The following MYO3A variants were observed in gnomAD, a reference collection of about 807,000 sequenced individuals.
The protein encoded by MYO3A is myosin IIIA.
MYO3A carries 180 observed loss-of-function variants against 192.7 expected under a neutral mutation model. That is an observed-to-expected ratio of 0.93 (90% confidence interval 0.83 to 1.06). The LOEUF is 1.06. MYO3A is among the 50% of genes least tolerant of loss of function. The pLI is 0.00. For missense variants in MYO3A, 1,896 were observed against 1,905.0 expected, an observed-to-expected ratio of 1.00 and a Z score of 0.09; for synonymous variants, 628 against 645.3, an observed-to-expected ratio of 0.97 and a Z score of 0.41.
At chr10:26,199,373 C>T (rs1564641110) in intron 32 of MYO3A, among the ~76,000 whole-genome samples, 2 of 152,000 alleles carry the variant, frequency 1.3e-5, no homozygotes, top group Non-Finnish European at 2.9e-5. Flanking sequence ...GGGAACATAG[C>T]GAAACCTTGT....
At chr10:26,204,768 A>C (rs961950866) in intron 34 of MYO3A, among the ~76,000 whole-genome samples, 2 of 152,234 alleles carry the variant, frequency 1.3e-5, no homozygotes, top group African/African-American at 2.4e-5. Context: ...GGTGGATAGA[A>C]TAGTGCATAA....
At chr10:26,166,266 G>T (rs1841745402) in intron 27 of MYO3A, 88 bp downstream of exon 27, 12 of 1,118,444 alleles carry the variant, frequency 1.1e-5, no homozygotes, top group Admixed American at 1.8e-5. Context: ...TGAAAGTATG[G>T]TTTTTTTATG....
chr10:26,118,939 CT>C (rs1302785603), intron 17 of MYO3A, among the ~76,000 whole-genome samples: 1 of 152,110 alleles, frequency 6.6e-6, no homozygotes. Flanking sequence ...GCTCCAAGCT[CT>C]TTCTGTTGGC....
At chr10:25,983,091 G>A (rs1320241302) in intron 4 of MYO3A, among the ~76,000 whole-genome samples, 1 of 147,120 alleles carries the variant, frequency 6.8e-6, no homozygotes, top group African/African-American at 2.7e-5. Context: ...ATATTAAATA[G>A]ATAGCATAAA....
intron 9 of MYO3A, among the ~76,000 whole-genome samples, chr10:26,024,825 G>T (rs1842467430): frequency 6.6e-6 from 1 of 152,176 alleles, no homozygotes; most frequent in Non-Finnish European, 1.5e-5. Context: ...CTGCCAAGCA[G>T]TTAGTATTCT....
intron 14 of MYO3A, among the ~76,000 whole-genome samples, chr10:26,085,407 C>T (rs1364504461): frequency 1.3e-5 from 2 of 152,088 alleles, no homozygotes; most frequent in African/African-American, 2.4e-5. Context: ...AAACTTCTGT[C>T]TTAGAATTGC....
intron 10 of MYO3A, among the ~76,000 whole-genome samples, chr10:26,046,948 C>G (rs1843665070): frequency 1.3e-5 from 2 of 152,124 alleles, no homozygotes; most frequent in African/African-American, 2.4e-5. Flanking sequence ...ATCAGCTATT[C>G]AGATCACTTT....
chr10:26,034,355 A>G (rs1042260917), intron 10 of MYO3A, among the ~76,000 whole-genome samples: 5 of 152,030 alleles, frequency 3.3e-5, no homozygotes, highest in Non-Finnish European at 7.4e-5. Flanking sequence ...TTGAATCCCA[A>G]CCCCTGCCTT....
At chr10:25,960,696 A>G (rs1389161277) in intron 4 of MYO3A, among the ~76,000 whole-genome samples, 1 of 152,110 alleles carries the variant, frequency 6.6e-6, no homozygotes, top group Non-Finnish European at 1.5e-5. Context: ...CTTCACATTG[A>G]ATAGTCTGAG....
In MYO3A at chr10:26,120,701, T is replaced by G. The variant is rs769541707; in HGVS notation, c.1802T>G (p.Leu601Arg). 4.5e-5 allele frequency: 72 copies of G among 1,614,110 alleles called. 3 individuals are homozygous for G. The South Asian group carries it at 7.6e-4, about 17-fold the overall frequency. Residue 601 changes from leucine to arginine, a missense_variant, in exon 18 of 35, where the codon CTC becomes CGC. By Grantham distance (102) the Leu-to-Arg change is moderately radical. Transcript: ENST00000642920. ...CAACTTGGTAGTATATACAGCATAC[T>G]CGCTGCAATCTTGAATGTTGGCAAC... ...MEQLGSIYSI[L>R]AAILNVGNIE...
chr10:25,975,527 A>C (rs938798250), intron 4 of MYO3A, among the ~76,000 whole-genome samples: 1 of 152,106 alleles, frequency 6.6e-6, no homozygotes, highest in East Asian at 1.9e-4. Flanking sequence ...TCTAGGGTCT[A>C]CTTGGCCAAG....
At chr10:25,962,267 A>G (rs1171455540) in intron 4 of MYO3A, among the ~76,000 whole-genome samples, 2 of 152,010 alleles carry the variant, frequency 1.3e-5, no homozygotes, top group African/African-American at 4.8e-5. Flanking sequence ...TTGTTATTTT[A>G]TAAGTTTTTG....
In MYO3A at chr10:26,173,853, G is replaced by A. The variant is rs75801377; in HGVS notation, c.3589G>A (p.Glu1197Lys). ...QTPKKMNNVY[E>K]EEVKQEFYLV... ...TCCAAAAAAAATGAATAATGTGTATGAGGAAGAGGTTAAGCAAGAATTCTA... is the reference window on the plus strand; with the variant it reads ...TCCAAAAAAAATGAATAATGTGTATAAGGAAGAGGTTAAGCAAGAATTCTA... Residue 1197 changes from glutamate to lysine, a missense_variant, in exon 30 of 35, where the codon GAG becomes AAG. Transcript: ENST00000642920. The A allele has an allele frequency of 7.5e-4, 1,215 of 1,614,012 alleles. 12 individuals carry two copies. In the African/African-American group the frequency reaches 0.014, roughly 18 times the overall value.
intron 17 of MYO3A, among the ~76,000 whole-genome samples, chr10:26,119,015 CA>C (rs1838689927): frequency 6.6e-6 from 1 of 152,190 alleles, no homozygotes; most frequent in Non-Finnish European, 1.5e-5. Context: ...TGTTCCTCCT[CA>C]TCCTCACCCT....
chr10:26,006,227 A>G (rs551827464), intron 6 of MYO3A, among the ~76,000 whole-genome samples: 1 of 152,284 alleles, frequency 6.6e-6, no homozygotes, highest in African/African-American at 2.4e-5. Flanking sequence ...GACACATTCA[A>G]AGCAGTGTGT....
intron 4 of MYO3A, among the ~76,000 whole-genome samples, chr10:25,979,509 A>G (rs998717900): frequency 1.3e-5 from 2 of 151,580 alleles, no homozygotes; most frequent in African/African-American, 4.8e-5. Context: ...GTTCCAGAAG[A>G]CATCATAACC....
At chr10:25,941,369 C>T (rs77382265) in intron 2 of MYO3A, among the ~76,000 whole-genome samples, 3,437 of 152,224 alleles carry the variant, frequency 0.023, 159 homozygotes, top group African/African-American at 0.079. Flanking sequence ...TCCTTTCTCT[C>T]TACTTGGGAC....
At chr10:25,962,655 T>C (rs1281634128) in intron 4 of MYO3A, among the ~76,000 whole-genome samples, 1 of 152,180 alleles carries the variant, frequency 6.6e-6, no homozygotes, top group Non-Finnish European at 1.5e-5. Flanking sequence ...ATACTTCTTT[T>C]GACTTTGCAC....
intron 16 of MYO3A, 43 bp from the exon 17 acceptor site, chr10:26,096,525 C>T (rs781645870): frequency 6.2e-7 from 1 of 1,600,678 alleles, no homozygotes; most frequent in South Asian, 1.1e-5. Flanking sequence ...TTCACTTTTC[C>T]CTTAATTTTA....
Sources: gnomAD v4.1 joint callset for allele counts (sites outside exome capture counted in the v4.1 genomes callset) on GRCh38, gnomAD v4.1.1 for gene constraint, MANE v1.5 for transcripts, NCBI Gene and HGNC (gene_info 2026-07-23, HGNC 2026-07-21) for gene names.